COL24A1: variants seen among roughly 807,000 people sequenced by gnomAD.
COL24A1 encodes the protein collagen type XXIV alpha 1 chain.
Under a neutral mutation model 253.9 loss-of-function variants are expected in COL24A1, and 224 were observed. The ratio of observed to expected loss-of-function variants is 0.88; its 90% CI spans 0.79 to 0.99. The LOEUF is 0.99. Ranked by LOEUF, COL24A1 falls within the 50% of genes least tolerant of loss-of-function variation. The probability of loss-of-function intolerance (pLI) is 0.00; values close to 1 mark genes in which losing one functional copy is unlikely to be tolerated. For synonymous variants in COL24A1, 685 were observed against 673.7 expected, an observed-to-expected ratio of 1.02 and a Z score of -0.26; for missense variants, 2,131 against 2,068.5, an observed-to-expected ratio of 1.03 and a Z score of -0.59.
intron 47 of COL24A1, among the ~76,000 whole-genome samples, chr1:85,799,240 A>AAAGAAAGAAAGAAAGAAAGAAAGG (rs1671162216): frequency 6.7e-6 from 1 of 150,054 alleles, no homozygotes; most frequent in Admixed American, 6.6e-5. Flanking sequence ...AGAAAGAAAG[A>AAAGAAAGAAAGAAAGAAAGAAAGG]AAGAAAGAAA....
intron 19 of COL24A1, among the ~76,000 whole-genome samples, chr1:86,001,042 G>A (rs950792985): frequency 6.6e-6 from 1 of 152,084 alleles, no homozygotes; most frequent in African/African-American, 2.4e-5. Flanking sequence ...AAACCAGTAT[G>A]GAAAAAATAA....
intron 35 of COL24A1, among the ~76,000 whole-genome samples, chr1:85,869,679 C>A (rs12136353): frequency 0.13 from 19,861 of 152,168 alleles, 1,437 homozygotes; most frequent in South Asian, 0.17. Flanking sequence ...GCCTGCCCTA[C>A]AAGAGCTCCT....
At chr1:85,910,112 T>C (rs1685224131) in intron 25 of COL24A1, 109 bp from the exon 26 acceptor site, 1 of 653,700 alleles carries the variant, frequency 1.5e-6, no homozygotes. Context: ...CTTACATGCA[T>C]ACATCATTTT....
intron 5 of COL24A1, among the ~76,000 whole-genome samples, chr1:86,100,617 G>A (rs1313379517): frequency 6.6e-6 from 1 of 152,042 alleles, no homozygotes; most frequent in African/African-American, 2.4e-5. Context: ...GATGACACAC[G>A]CTGGGATCCC....
intron 32 of COL24A1, among the ~76,000 whole-genome samples, chr1:85,877,443 A>T (rs1365529203): frequency 2.6e-5 from 4 of 152,030 alleles, no homozygotes; most frequent in Admixed American, 2.0e-4. Flanking sequence ...ACTCACTGCA[A>T]CCTCCGCCTC....
At chr1:85,885,604 A>C (rs1682406685) in intron 32 of COL24A1, among the ~76,000 whole-genome samples, 1 of 152,054 alleles carries the variant, frequency 6.6e-6, no homozygotes, top group South Asian at 2.1e-4. Flanking sequence ...TTTGGAATAG[A>C]GCATTGCAAT....
At chr1:85,903,078 C>T (rs1241848259) in intron 28 of COL24A1, among the ~76,000 whole-genome samples, 2 of 152,000 alleles carry the variant, frequency 1.3e-5, no homozygotes, top group African/African-American at 4.8e-5. Context: ...TAAAAAAACC[C>T]ATTACTTAGA....
At position 85,734,924 on chromosome 1, in the gene COL24A1, T is replaced by C. The variant is rs777303492; in HGVS notation, c.4823A>G (p.His1608Arg). Residue 1608 changes from histidine (H) to arginine (R), a missense_variant, in exon 59 of 60, where the codon CAT becomes CGT. Coordinates refer to ENST00000370571, the MANE Select transcript of COL24A1 (RefSeq NM_152890.7). ...ATGGGTGGCTTCCGAACTCAGTAAA[T>C]GAAGGAAGTTCATCTGGACTTTCCC... ...GVGKVQMNFL[H>R]LLSSEATHII... 6.2e-7 allele frequency: 1 copy of C among 1,614,190 alleles called. No individual in the cohort carries two copies. The highest frequency in any genetic ancestry group is 8.5e-7 in the Non-Finnish European group (1 of 1,180,034).
chr1:86,110,674 C>T (rs1163626479), intron 5 of COL24A1, among the ~76,000 whole-genome samples: 1 of 152,104 alleles, frequency 6.6e-6, no homozygotes, highest in Non-Finnish European at 1.5e-5. Flanking sequence ...CAGTGAGGGG[C>T]TTAGCACCCA....
rs1673084273 is a variant in COL24A1, at chr1:85,816,801, T to C, written c.3938A>G (p.Lys1313Arg). Residue 1313 changes from lysine to arginine, a missense_variant, in exon 47 of 60, where the codon AAA becomes AGA. Lys to Arg is a conservative substitution (Grantham distance 26). Transcript: ENST00000370571. ...GNPGKIGPPGKQGLPGIRGGP... is the reference protein window; with the variant it reads ...GNPGKIGPPGRQGLPGIRGGP... The stretch of plus-strand genomic sequence containing the variant: ...CGTACTACTCACAGGAAGTCCCTGT[T>C]TTCCTGGTGGCCCAATTTTTCCAGG... The C allele has an allele frequency of 1.2e-6, 2 of 1,613,448 alleles. No homozygotes were observed. The highest frequency in any genetic ancestry group is 2.2e-5 in the East Asian group (1 of 44,860).
At chr1:86,156,087 C>G in intron 1 of COL24A1, 1 of 377,698 alleles carries the variant, frequency 2.6e-6, no homozygotes, top group African/African-American at 2.1e-5. Flanking sequence ...CTCGCGCCAG[C>G]GAGCTTTTCC....
chr1:85,841,277 C>A lies in COL24A1; in HGVS notation c.3572G>T (p.Gly1191Val). Residue 1191 changes from glycine to valine, a missense_variant and splice_region_variant, in exon 42 of 60, where the codon GGC becomes GTC. Transcript: ENST00000370571. Reference sequence around the variant, plus strand: ...GACTGTGCTATCTTCTCCTGGGTAGCCCTAAAATGAAATAATGATTTATAA... The same window carrying A: ...GACTGTGCTATCTTCTCCTGGGTAGACCTAAAATGAAATAATGATTTATAA... ...SGLPGPKGEK[G>V]YPGEDSTVLG... 1.3e-6 allele frequency: 2 copies of A among 1,590,674 alleles called. No individual in the cohort carries two copies. Among genetic ancestry groups the A allele is most frequent in the South Asian group, 1.2e-5 (1 of 86,898 alleles).
At chr1:85,851,001 G>GTATATA (rs139769173) in intron 37 of COL24A1, among the ~76,000 whole-genome samples, 28 of 139,184 alleles carry the variant, frequency 2.0e-4, no homozygotes, top group African/African-American at 6.3e-4. Context: ...GTGTGTGTGT[G>GTATATA]TATATATATA....
chr1:85,905,292 A>AT (rs1427499644), intron 28 of COL24A1, among the ~76,000 whole-genome samples: 5 of 152,076 alleles, frequency 3.3e-5, no homozygotes, highest in Non-Finnish European at 7.4e-5. Flanking sequence ...CAATATTCTC[A>AT]TTTTTTGTGA....
At chr1:85,926,172 A>T (rs1443335056) in intron 24 of COL24A1, among the ~76,000 whole-genome samples, 2 of 152,216 alleles carry the variant, frequency 1.3e-5, no homozygotes, top group Non-Finnish European at 2.9e-5. Context: ...AAGTCAGGAA[A>T]CAACAGATGC....
intron 42 of COL24A1, among the ~76,000 whole-genome samples, chr1:85,839,065 T>C (rs1676326409): frequency 6.6e-6 from 1 of 151,596 alleles, no homozygotes; most frequent in Non-Finnish European, 1.5e-5. Flanking sequence ...CCAGGCATGG[T>C]GGTATGTGAC....
At chr1:85,731,111 A>C (rs1663426779) in intron 59 of COL24A1, among the ~76,000 whole-genome samples, 1 of 152,234 alleles carries the variant, frequency 6.6e-6, no homozygotes, top group Admixed American at 6.5e-5. Flanking sequence ...TTTTAGGTAG[A>C]AAATAAACAG....
chr1:85,762,959 C>T (rs1234634987), intron 53 of COL24A1, among the ~76,000 whole-genome samples: 1 of 152,146 alleles, frequency 6.6e-6, no homozygotes, highest in African/African-American at 2.4e-5. Context: ...ATACTTCAAA[C>T]CCACCAGGAT....
Position 86,156,693 on chromosome 1 carries a change from C to T in COL24A1, c.-297G>A, listed in dbSNP as rs543829184. The T allele has an allele frequency of 4.1e-4, 110 of 266,226 alleles. No individual in the cohort carries two copies. Among genetic ancestry groups the T allele is most frequent in the Middle Eastern group, 2.1e-3 (2 of 938 alleles). The allele number at this position is 266,226 out of a possible 1,614,324, so 16.5% of individuals were successfully genotyped here. Reference sequence around the variant, plus strand: ...TAAACCTCACTGGGAGGCCTCGGGGCGCCGGCGGCAGCGGGAGCCGGGCTG... The same window carrying T: ...TAAACCTCACTGGGAGGCCTCGGGGTGCCGGCGGCAGCGGGAGCCGGGCTG... On this transcript the variant is annotated 5_prime_UTR_variant, in exon 1 of 60. Transcript: ENST00000370571.
Sources: gnomAD v4.1 joint callset for allele counts (sites outside exome capture counted in the v4.1 genomes callset) on GRCh38, gnomAD v4.1.1 for gene constraint, MANE v1.5 for transcripts, NCBI Gene and HGNC (gene_info 2026-07-23, HGNC 2026-07-21) for gene names.